The following MAGI2 variants were observed in gnomAD, a reference collection of about 807,000 sequenced individuals.
MAGI2 encodes membrane associated guanylate kinase, WW and PDZ domain containing 2.
MAGI2 carries 35 observed loss-of-function variants against 133.3 expected under a neutral mutation model. The ratio of observed to expected loss-of-function variants is 0.26; its 90% confidence interval spans 0.20 to 0.35. The LOEUF is 0.35. Among genes scored for constraint, MAGI2 ranks in the 10% least tolerant of loss-of-function variants. The probability of loss-of-function intolerance (pLI) is 1.00; values close to 1 mark genes in which losing one functional copy is unlikely to be tolerated. For synonymous variants in MAGI2, 729 were observed against 710.6 expected (o/e 1.03, Z -0.41); for missense variants, 1,636 against 1,863.4 (o/e 0.88, Z 2.25).
At chr7:79,193,828 T>C (rs920813326) in intron 1 of MAGI2, among the ~76,000 whole-genome samples, 1 of 151,934 alleles carries the variant, frequency 6.6e-6, no homozygotes, top group Non-Finnish European at 1.5e-5. Flanking sequence ...GAGTCATTCT[T>C]GGGCGTTGCA....
intron 2 of MAGI2, among the ~76,000 whole-genome samples, chr7:78,762,450 C>T (rs1191355449): frequency 2.0e-5 from 3 of 151,196 alleles, no homozygotes; most frequent in African/African-American, 7.3e-5. Flanking sequence ...CAAAACAAAA[C>T]AAACCAAACA....
chr7:78,562,027 T>C (rs889117864), intron 3 of MAGI2, among the ~76,000 whole-genome samples: 4 of 152,100 alleles, frequency 2.6e-5, no homozygotes, highest in Admixed American at 6.5e-5. Context: ...ATGATGAAGT[T>C]TGTGAAAGAT....
intron 1 of MAGI2, among the ~76,000 whole-genome samples, chr7:79,196,821 G>A (rs1828123563): frequency 6.6e-6 from 1 of 151,916 alleles, no homozygotes; most frequent in African/African-American, 2.4e-5. Context: ...AGGCTGGAGT[G>A]CAGTGGAATG....
At chr7:78,996,242 G>C (rs1295901145) in intron 2 of MAGI2, among the ~76,000 whole-genome samples, 1 of 151,710 alleles carries the variant, frequency 6.6e-6, no homozygotes, top group African/African-American at 2.4e-5. Flanking sequence ...AAATTAAAAA[G>C]ATAAGAAGAG....
chr7:78,089,218 A>G (rs1034195641), intron 20 of MAGI2, among the ~76,000 whole-genome samples: 3 of 152,242 alleles, frequency 2.0e-5, no homozygotes, highest in Non-Finnish European at 4.4e-5. Context: ...GGAATAGAGA[A>G]CTAATGTACT....
At chr7:78,838,823 T>C (rs1480090899) in intron 2 of MAGI2, among the ~76,000 whole-genome samples, 1 of 152,016 alleles carries the variant, frequency 6.6e-6, no homozygotes, top group Non-Finnish European at 1.5e-5. Context: ...TAAAATGTAA[T>C]TGTTTCCCTG....
At chr7:78,219,249 A>G (rs1413478688) in intron 10 of MAGI2, among the ~76,000 whole-genome samples, 2 of 152,092 alleles carry the variant, frequency 1.3e-5, no homozygotes, top group Non-Finnish European at 1.5e-5. Flanking sequence ...CTGTGTTTCT[A>G]AGCCTGACCT....
chr7:78,232,120 T>C (rs772994700), intron 10 of MAGI2, among the ~76,000 whole-genome samples: 22 of 151,720 alleles, frequency 1.5e-4, no homozygotes, highest in Non-Finnish European at 2.7e-4. Context: ...TGTTGGAAAG[T>C]AGGTAGCTTC....
intron 6 of MAGI2, among the ~76,000 whole-genome samples, chr7:78,391,954 A>C (rs1315423667): frequency 6.6e-6 from 1 of 152,238 alleles, no homozygotes; most frequent in Non-Finnish European, 1.5e-5. Context: ...GTTTCAGAGA[A>C]ATTGGCTTTA....
At chr7:78,919,710 A>T (rs961401727) in intron 2 of MAGI2, among the ~76,000 whole-genome samples, 1 of 152,138 alleles carries the variant, frequency 6.6e-6, no homozygotes, top group African/African-American at 2.4e-5. Flanking sequence ...TACTAGGCAG[A>T]GGTTTTGCTG....
At chr7:78,241,499 CTT>C (rs1791134345) in intron 10 of MAGI2, among the ~76,000 whole-genome samples, 1 of 152,154 alleles carries the variant, frequency 6.6e-6, no homozygotes, top group Admixed American at 6.5e-5. Flanking sequence ...TTGCTAATCT[CTT>C]TGCATAGACA....
rs533208082 is a variant in MAGI2 at position 78,469,859 on chromosome 7, C to T, written c.1045+19902G>A. Among the ~76,000 whole-genome samples, 25 of 152,206 alleles carry T rather than the reference C, an allele frequency of 1.6e-4. No homozygotes were observed. In the East Asian group the frequency reaches 3.1e-3, roughly 19 times the overall value. On this transcript the variant is annotated intron_variant, in intron 6 of 21. Coordinates refer to ENST00000354212, the MANE Select transcript of MAGI2 (RefSeq NM_012301.4). ...ATCATCGCAGGATGGGATAATAAAA[C>T]GAAAGGAAATCCTTTCTTTATTTTT...
At chr7:78,985,083 C>T (rs1044241692) in intron 2 of MAGI2, among the ~76,000 whole-genome samples, 1 of 151,308 alleles carries the variant, frequency 6.6e-6, no homozygotes, top group Admixed American at 6.6e-5. Flanking sequence ...CTAACTGTAG[C>T]CTCAACCACC....
intron 1 of MAGI2, among the ~76,000 whole-genome samples, chr7:79,405,830 C>A (rs1845764437): frequency 6.6e-6 from 1 of 151,032 alleles, no homozygotes; most frequent in Admixed American, 6.6e-5. Flanking sequence ...TATTTGAGAG[C>A]CCAAAATATC....
chr7:78,492,005 C>T (rs1395088598), intron 5 of MAGI2, among the ~76,000 whole-genome samples: 2 of 151,528 alleles, frequency 1.3e-5, no homozygotes, highest in Non-Finnish European at 2.9e-5. Flanking sequence ...TCCTCACCTG[C>T]TTCTTCCAAA....
At chr7:78,292,873 C>T (rs1394058418) in intron 9 of MAGI2, among the ~76,000 whole-genome samples, 3 of 152,160 alleles carry the variant, frequency 2.0e-5, no homozygotes, top group Admixed American at 6.6e-5. Flanking sequence ...GGAAAACTGG[C>T]TAGCCATATG....
At chr7:78,297,699 AATC>A (rs1214557141) in intron 9 of MAGI2, among the ~76,000 whole-genome samples, 1 of 151,786 alleles carries the variant, frequency 6.6e-6, no homozygotes, top group East Asian at 1.9e-4. Context: ...TGAAATTGGA[AATC>A]ATCATTCTCA....
chr7:78,530,232 G>A (rs1221749491), intron 3 of MAGI2, among the ~76,000 whole-genome samples: 1 of 151,270 alleles, frequency 6.6e-6, no homozygotes, highest in Non-Finnish European at 1.5e-5. Context: ...AGGTGACAAT[G>A]TGTCAATGAT....
chr7:78,576,127 C>T (rs539206679), intron 3 of MAGI2, among the ~76,000 whole-genome samples: 2 of 51,250 alleles, frequency 3.9e-5, no homozygotes, highest in African/African-American at 1.6e-4. Context: ...GAAAACACTT[C>T]TGTAAATTCA....
Sources: gnomAD v4.1 joint callset for allele counts (sites outside exome capture counted in the v4.1 genomes callset) on GRCh38, gnomAD v4.1.1 for gene constraint, MANE v1.5 for transcripts, NCBI Gene and HGNC (gene_info 2026-07-23, HGNC 2026-07-21) for gene names.